Variants in TNFRSF11B observed in about 807,000 individuals in gnomAD.
TNFRSF11B encodes TNF receptor superfamily member 11b.
A neutral mutation model predicts 43.4 loss-of-function variants in TNFRSF11B; 16 were observed. The observed-to-expected ratio is 0.37, with a 90% CI of 0.25 to 0.56. The LOEUF (loss-of-function observed/expected upper bound fraction) is 0.56. TNFRSF11B is among the 20% of genes least tolerant of loss of function. The probability of loss-of-function intolerance (pLI) is 0.80; values close to 1 mark genes in which losing one functional copy is unlikely to be tolerated. For missense variants in TNFRSF11B, 444 were observed against 490.1 expected, an observed-to-expected ratio of 0.91 and a Z score of 0.89; for synonymous variants, 185 against 181.8, an observed-to-expected ratio of 1.02 and a Z score of -0.14.
intron 2 of TNFRSF11B, among the ~76,000 whole-genome samples, chr8:118,931,729 G>T (rs775840261): frequency 5.3e-5 from 8 of 152,192 alleles, no homozygotes; most frequent in Non-Finnish European, 1.0e-4. Context: ...AAACAGAATA[G>T]ATTTTGATTT....
Position 118,951,798 on chromosome 8 carries a change from CGCG to C in TNFRSF11B, c.21_23del (p.Cys7_Ala8delinsTrp). On this transcript the variant is annotated inframe_deletion, in exon 1 of 5. Coordinates refer to ENST00000297350, the MANE Select transcript of TNFRSF11B (RefSeq NM_002546.4). ...GGCTGGCCCAGGGACTTACCACGAGCGCGCAGCACAGCAAGTTGTTCATTGTGG... is the reference window on the plus strand; with the variant it reads ...GGCTGGCCCAGGGACTTACCACGAGCCAGCACAGCAAGTTGTTCATTGTGG... 1 of 1,592,956 alleles carries C rather than the reference CGCG, an allele frequency of 6.3e-7. No individual in the cohort carries two copies. The highest frequency in any genetic ancestry group is 8.5e-7 in the Non-Finnish European group (1 of 1,170,004).
chr8:118,943,003 A>G (rs937250292), intron 1 of TNFRSF11B, among the ~76,000 whole-genome samples: 1 of 152,030 alleles, frequency 6.6e-6, no homozygotes, highest in African/African-American at 2.4e-5. Context: ...CTATCTACTC[A>G]TACTGGTGAA....
intron 3 of TNFRSF11B, among the ~76,000 whole-genome samples, chr8:118,927,036 C>T (rs1157152971): frequency 1.3e-5 from 2 of 152,104 alleles, no homozygotes; most frequent in African/African-American, 4.8e-5. Context: ...CATTAACATT[C>T]TATTAAAGGT....
chr8:118,941,930 A>G (rs915411382), intron 1 of TNFRSF11B, among the ~76,000 whole-genome samples: 1 of 152,110 alleles, frequency 6.6e-6, no homozygotes, highest in Non-Finnish European at 1.5e-5. Flanking sequence ...GGATGGCCGA[A>G]TTTTTCATTG....
At chr8:118,929,587 C>T (rs1011282206) in intron 2 of TNFRSF11B, among the ~76,000 whole-genome samples, 2 of 152,186 alleles carry the variant, frequency 1.3e-5, no homozygotes, top group African/African-American at 4.8e-5. Context: ...ACAGCAGAGT[C>T]GTTAAAACTT....
chr8:118,926,906 C>T (rs1007218005), intron 3 of TNFRSF11B, among the ~76,000 whole-genome samples, 188 bp from the exon 4 acceptor site: 2 of 152,280 alleles, frequency 1.3e-5, no homozygotes, highest in Admixed American at 1.3e-4. Context: ...ACTGAGCTTA[C>T]GTGTCTTCTA....
chr8:118,924,329 G>A lies in TNFRSF11B; in HGVS notation c.*45C>T. The A allele has an allele frequency of 6.2e-7, 1 of 1,608,848 alleles. No homozygotes were observed. On this transcript the variant is annotated 3_prime_UTR_variant, in exon 5 of 5. Transcript: ENST00000297350. ...CCTGAGAAACAGTTTACTCATCCAT[G>A]GGATCTCGCCAATTGTGAGGAAACA...
chr8:118,938,304 A>C (rs1812431093), intron 1 of TNFRSF11B, among the ~76,000 whole-genome samples: 1 of 152,154 alleles, frequency 6.6e-6, no homozygotes, highest in Admixed American at 6.5e-5. Flanking sequence ...TCATTCAAGC[A>C]TACATGTATT....
At chr8:118,945,527 A>G (rs897084960) in intron 1 of TNFRSF11B, among the ~76,000 whole-genome samples, 3 of 152,164 alleles carry the variant, frequency 2.0e-5, no homozygotes, top group Middle Eastern at 3.2e-3. Flanking sequence ...GTGTCTCAGA[A>G]TGAGAAACTC....
intron 1 of TNFRSF11B, among the ~76,000 whole-genome samples, chr8:118,944,550 A>T (rs1188698426): frequency 6.6e-6 from 1 of 152,140 alleles, no homozygotes; most frequent in Non-Finnish European, 1.5e-5. Context: ...CAAGTACATC[A>T]TCCTCATAAA....
At chr8:118,947,307 C>A (rs758319260) in intron 1 of TNFRSF11B, among the ~76,000 whole-genome samples, 3 of 150,430 alleles carry the variant, frequency 2.0e-5, no homozygotes, top group Non-Finnish European at 4.4e-5. Flanking sequence ...TGCCAGTAGA[C>A]GATCCAACAC....
intron 2 of TNFRSF11B, among the ~76,000 whole-genome samples, chr8:118,929,878 A>T (rs1367726993): frequency 6.6e-6 from 1 of 152,258 alleles, no homozygotes; most frequent in Non-Finnish European, 1.5e-5. Flanking sequence ...GCAAGATAAC[A>T]AATATGAAAG....
chr8:118,951,647 G>T (rs928174399), intron 1 of TNFRSF11B, 145 bp downstream of exon 1: 28 of 775,618 alleles, frequency 3.6e-5, no homozygotes, highest in African/African-American at 7.0e-5. Flanking sequence ...CTTGAAAGCG[G>T]TTTCCTGCTC....
At chr8:118,947,839 G>A (rs1460470976) in intron 1 of TNFRSF11B, among the ~76,000 whole-genome samples, 1 of 152,060 alleles carries the variant, frequency 6.6e-6, no homozygotes, top group African/African-American at 2.4e-5. Flanking sequence ...AATATTACAC[G>A]TGTTCCCCAG....
intron 1 of TNFRSF11B, among the ~76,000 whole-genome samples, chr8:118,947,801 C>G (rs533730793): frequency 1.3e-5 from 2 of 152,156 alleles, no homozygotes; most frequent in South Asian, 4.1e-4. Context: ...AGCACCAAAG[C>G]CAATGCTAAC....
chr8:118,951,245 A>G (rs910150631), intron 1 of TNFRSF11B, among the ~76,000 whole-genome samples: 2 of 152,338 alleles, frequency 1.3e-5, no homozygotes, highest in South Asian at 4.1e-4. Flanking sequence ...AACATTACAC[A>G]GTTAAGAAGT....
intron 1 of TNFRSF11B, among the ~76,000 whole-genome samples, chr8:118,940,821 T>A (rs908873087): frequency 6.6e-6 from 1 of 152,202 alleles, no homozygotes. Context: ...TGGCATCATT[T>A]TCTTGGTGTA....
Position 118,923,901 on chromosome 8 carries a change from T to C in TNFRSF11B, c.*473A>G, listed in dbSNP as rs1371142489. On this transcript the variant is annotated 3_prime_UTR_variant, in exon 5 of 5. Coordinates refer to ENST00000297350, the MANE Select transcript of TNFRSF11B (RefSeq NM_002546.4). The stretch of plus-strand genomic sequence containing the variant: ...AAAATTAAGTCATACCGTTTCTTTA[T>C]AGGATGATAATATGTACAAATCTTA... 6.5e-6 allele frequency: 1 copy of C among 153,070 alleles called. No individual in the cohort carries two copies. The highest frequency in any genetic ancestry group is 1.5e-5 in the Non-Finnish European group (1 of 68,382). 9.5% of individuals were successfully genotyped at this position (153,070 alleles called of 1,614,324 possible). A position where few individuals can be genotyped will look rare whatever the true frequency, so the allele number is the denominator to read the frequency against.
chr8:118,948,411 T>G (rs1472735031), intron 1 of TNFRSF11B, among the ~76,000 whole-genome samples: 1 of 151,834 alleles, frequency 6.6e-6, no homozygotes, highest in Non-Finnish European at 1.5e-5. Context: ...ATGCCAGCAG[T>G]GGGGGGCTGA....
Sources: allele counts gnomAD v4.1 joint callset (sites outside exome capture counted in the v4.1 genomes callset), GRCh38; gene constraint gnomAD v4.1.1; transcripts MANE v1.5; gene names NCBI Gene and HGNC (gene_info 2026-07-23, HGNC 2026-07-21).